RTN4: variants seen among roughly 807,000 people sequenced by gnomAD.
RTN4 encodes reticulon-4.
RTN4 carries 32 observed loss-of-function variants against 90.4 expected under a neutral mutation model. The observed-to-expected ratio is 0.35, with a 90% confidence interval of 0.27 to 0.48. The LOEUF (loss-of-function observed/expected upper bound fraction) is 0.48, where lower values mean the gene tolerates loss of function less well. Ranked by LOEUF, RTN4 falls within the 20% of genes least tolerant of loss-of-function variation. The pLI is 0.99. For missense variants in RTN4, 1,706 were observed against 1,430.2 expected (o/e 1.19, Z -3.11); for synonymous variants, 629 against 552.5 (o/e 1.14, Z -1.94).
intron 1 of RTN4, among the ~76,000 whole-genome samples, chr2:55,047,303 C>G (rs1667810418): frequency 6.7e-6 from 1 of 148,648 alleles, no homozygotes; most frequent in African/African-American, 2.5e-5. Context: ...GCACTCCAGC[C>G]TGGTGACAAG....
intron 1 of RTN4, among the ~76,000 whole-genome samples, chr2:55,043,813 G>T (rs1683231894): frequency 1.3e-5 from 2 of 151,546 alleles, no homozygotes; most frequent in Non-Finnish European, 2.9e-5. Flanking sequence ...TGGAACCTAG[G>T]AGGTGGAGGT....
the RTN4 span, among the ~76,000 whole-genome samples, chr2:55,135,283 C>G: frequency 1.5e-4 from 23 of 149,436 alleles, no homozygotes; most frequent in South Asian, 4.9e-3. Context: ...TCTTGACTCA[C>G]GGCAACCTCC....
At chr2:55,062,980 T>G (rs1288538649) in intron 2 of RTN4, among the ~76,000 whole-genome samples, 1 of 152,172 alleles carries the variant, frequency 6.6e-6, no homozygotes, top group African/African-American at 2.4e-5. Flanking sequence ...TTTTGGACTG[T>G]GAGGTGGAAG....
chr2:55,015,005 T>C (rs933576152), intron 3 of RTN4, among the ~76,000 whole-genome samples: 4 of 152,234 alleles, frequency 2.6e-5, no homozygotes, highest in Non-Finnish European at 5.9e-5. Flanking sequence ...ATATTCAAAA[T>C]TGTTTATAAA....
At chr2:55,007,235 GCTT>G (rs1680293527) in intron 3 of RTN4, among the ~76,000 whole-genome samples, 2 of 151,766 alleles carry the variant, frequency 1.3e-5, no homozygotes, top group African/African-American at 4.8e-5. Flanking sequence ...CAAATCTGCC[GCTT>G]CTTCTTCCTT....
At chr2:54,974,844 T>A in intron 5 of RTN4, 80 bp from the exon 6 acceptor site, 1 of 1,174,822 alleles carries the variant, frequency 8.5e-7, no homozygotes, top group Non-Finnish European at 1.3e-6. Flanking sequence ...GCATCCCATC[T>A]AAATGCCTAC....
chr2:55,071,360 C>T (rs986928172), intron 2 of RTN4, among the ~76,000 whole-genome samples: 7 of 151,610 alleles, frequency 4.6e-5, no homozygotes, highest in Non-Finnish European at 1.0e-4. Flanking sequence ...AAGGAAACAA[C>T]GAAAGGAGAT....
chr2:55,092,154 C>T (rs1668950018), intron 1 of RTN4, among the ~76,000 whole-genome samples: 1 of 149,732 alleles, frequency 6.7e-6, no homozygotes, highest in African/African-American at 2.5e-5. Flanking sequence ...GGCACCACTG[C>T]ACTCCAGCCT....
chr2:55,006,622 C>T (rs1185618920), intron 3 of RTN4, among the ~76,000 whole-genome samples: 1 of 152,146 alleles, frequency 6.6e-6, no homozygotes, highest in Non-Finnish European at 1.5e-5. Context: ...CCCTATCCTA[C>T]AGAAACTTCT....
At chr2:55,006,352 TA>T (rs1680224179) in intron 3 of RTN4, among the ~76,000 whole-genome samples, 1 of 152,244 alleles carries the variant, frequency 6.6e-6, no homozygotes, top group East Asian at 1.9e-4. Flanking sequence ...CATAATTAAT[TA>T]ATGCCAAAGT....
At chr2:55,109,927 C>CA (rs1251506149) in intron 1 of RTN4, among the ~76,000 whole-genome samples, 1 of 151,700 alleles carries the variant, frequency 6.6e-6, no homozygotes, top group African/African-American at 2.4e-5. Context: ...TTCTCTCTTC[C>CA]AAAAAAGAGT....
At chr2:55,103,297 G>C (rs1211623075) in intron 1 of RTN4, among the ~76,000 whole-genome samples, 1 of 151,968 alleles carries the variant, frequency 6.6e-6, no homozygotes, top group African/African-American at 2.4e-5. Context: ...GAGTAGAATT[G>C]TGGTTACCAG....
chr2:55,096,663 C>T (rs1161402253), intron 1 of RTN4, among the ~76,000 whole-genome samples: 1 of 152,184 alleles, frequency 6.6e-6, no homozygotes, highest in African/African-American at 2.4e-5. Flanking sequence ...CCAAGGTTTT[C>T]AGTGTTGCTT....
chr2:55,092,035 C>T (rs1398593797), intron 1 of RTN4, among the ~76,000 whole-genome samples: 1 of 151,980 alleles, frequency 6.6e-6, no homozygotes, highest in African/African-American at 2.4e-5. Context: ...GGGGACACAG[C>T]CAAACCATGC....
chr2:55,007,706 C>A (rs1260454504), intron 3 of RTN4, among the ~76,000 whole-genome samples: 4 of 152,048 alleles, frequency 2.6e-5, no homozygotes, highest in Non-Finnish European at 5.9e-5. Flanking sequence ...GGTCACGACC[C>A]AAGGAATCTG....
At chr2:54,981,284 T>G (rs949097495) in intron 5 of RTN4, among the ~76,000 whole-genome samples, 25 of 126,248 alleles carry the variant, frequency 2.0e-4, no homozygotes, top group Non-Finnish European at 2.6e-4. Flanking sequence ...AATGTTTTTG[T>G]TTTTTTTTTT....
At chr2:55,101,829 CT>C (rs1219605442) in intron 1 of RTN4, among the ~76,000 whole-genome samples, 2 of 152,168 alleles carry the variant, frequency 1.3e-5, no homozygotes, top group East Asian at 3.9e-4. Flanking sequence ...GAATTTTTCA[CT>C]ACATAAGAGC....
intron 2 of RTN4, among the ~76,000 whole-genome samples, chr2:55,062,080 C>T (rs530277107): frequency 1.3e-5 from 2 of 152,056 alleles, no homozygotes; most frequent in African/African-American, 4.8e-5. Flanking sequence ...GGTCATTGAC[C>T]GGCAGAACAG....
chr2:54,991,659 T>C (rs938275892), intron 3 of RTN4, among the ~76,000 whole-genome samples: 4 of 152,256 alleles, frequency 2.6e-5, no homozygotes, highest in African/African-American at 9.6e-5. Context: ...GATGAAGTTT[T>C]ACTACTGGGG....
Sources: gnomAD v4.1 joint callset for allele counts (sites outside exome capture counted in the v4.1 genomes callset) on GRCh38, gnomAD v4.1.1 for gene constraint, MANE v1.5 for transcripts, NCBI Gene and HGNC (gene_info 2026-07-23, HGNC 2026-07-21) for gene names.